Variants in ZNF446 observed in about 807,000 individuals in gnomAD.
The protein encoded by ZNF446 is zinc finger protein with KRAB and SCAN domains 20.
ZNF446 carries 42 observed loss-of-function variants against 34.0 expected under a neutral mutation model. The observed-to-expected ratio is 1.23, with a 90% CI of 0.96 to 1.60. The LOEUF (loss-of-function observed/expected upper bound fraction) is 1.60. Among genes scored for constraint, ZNF446 ranks in the 40% most tolerant of loss-of-function variants. ZNF446 has a pLI of 0.00. For synonymous variants in ZNF446, 315 were observed against 251.0 expected, an observed-to-expected ratio of 1.25 and a Z score of -2.41; for missense variants, 650 against 600.2, an observed-to-expected ratio of 1.08 and a Z score of -0.87.
intron 4 of ZNF446, among the ~76,000 whole-genome samples, chr19:58,479,047 C>A (rs946834845): frequency 6.6e-6 from 1 of 152,210 alleles, no homozygotes; most frequent in African/African-American, 2.4e-5. Context: ...CTCCCGGCTC[C>A]TCTAACAACT....
Position 58,479,945 on chromosome 19 carries a change from A to T in ZNF446, c.728A>T (p.Gln243Leu). Residue 243 changes from glutamine (Q) to leucine (L), a missense_variant, in exon 6 of 7, where the codon CAG (glutamine) becomes CTG (leucine). Transcript: ENST00000594369. Reference sequence around the variant, plus strand: ...ACCCGGGCAGGGTTACCGCCCCACCAGCCAGAGGCACAGGCCCAGTCAGAG... The same window carrying T: ...ACCCGGGCAGGGTTACCGCCCCACCTGCCAGAGGCACAGGCCCAGTCAGAG... ...TVVSLGLPPHQPEAQAQSELG... is the reference protein window; with the variant it reads ...TVVSLGLPPHLPEAQAQSELG... 1 of 1,584,020 alleles carries T rather than the reference A, an allele frequency of 6.3e-7. No homozygotes were observed. Among genetic ancestry groups the T allele is most frequent in the Non-Finnish European group, 8.6e-7 (1 of 1,167,988 alleles).
the ZNF446 span, among the ~76,000 whole-genome samples, chr19:58,489,186 C>T: frequency 6.6e-6 from 1 of 152,212 alleles, no homozygotes; most frequent in Admixed American, 6.6e-5. Flanking sequence ...CTAACATTAG[C>T]CCCAAGATTA....
chr19:58,476,694 CA>C (rs1275262866), intron 1 of ZNF446, among the ~76,000 whole-genome samples, 190 bp downstream of exon 1: 2 of 152,198 alleles, frequency 1.3e-5, no homozygotes, highest in Non-Finnish European at 2.9e-5. Flanking sequence ...GCCCCCTCCC[CA>C]GAGCCATTCC....
Position 58,480,649 on chromosome 19 carries a change from A to G in ZNF446, c.1276A>G (p.Ser426Gly). 6.2e-7 allele frequency: 1 copy of G among 1,611,688 alleles called. No homozygotes were observed. Among genetic ancestry groups the G allele is most frequent in the Admixed American group, 1.7e-5 (1 of 59,950 alleles). Reference sequence around the variant, plus strand: ...CACAGGCCAGCGGCGTCACTTCTGCAGTGACTGTGGCCGCGCCTTCGACTG... The same window carrying G: ...CACAGGCCAGCGGCGTCACTTCTGCGGTGACTGTGGCCGCGCCTTCGACTG... ...SHTGQRRHFC[S>G]DCGRAFDWKS... The change falls in exon 7 of 7, where the codon AGT becomes GGT. Residue 426 changes from serine (S) to glycine (G), a missense_variant. By Grantham distance (56) the Ser-to-Gly change is moderately conservative (BLOSUM62 0). Transcript: ENST00000594369. This position sits in a 1 kb window ranked among gnomAD's most constrained non-coding sequence, Gnocchi z 7.2.
chr19:58,477,957 G>T, intron 3 of ZNF446, 130 bp from the exon 4 acceptor site: 2 of 1,310,396 alleles, frequency 1.5e-6, no homozygotes, highest in South Asian at 1.5e-5. Flanking sequence ...TCCCTGTCTG[G>T]GATGGGGACC....
Position 58,480,057 on chromosome 19 carries a change from C to T in ZNF446, c.802+38C>T, listed in dbSNP as rs1418957538. On this transcript the variant is annotated intron_variant, in intron 6 of 6. Transcript: ENST00000594369. The surrounding 1 kb of genome is among the most constrained non-coding windows in gnomAD (Gnocchi z 7.2). ...CACCATCCAGCCTGAATCACCCCTC[C>T]TGTATCGGTGGGACCTGAGCCACCC... The T allele has an allele frequency of 6.4e-7, 1 of 1,565,592 alleles. No homozygotes were observed. Among genetic ancestry groups the T allele is most frequent in the Admixed American group, 1.8e-5 (1 of 54,182 alleles).
chr19:58,481,975 T>C (rs2053143598), downstream of ZNF446, among the ~76,000 whole-genome samples: 1 of 152,058 alleles, frequency 6.6e-6, no homozygotes, highest in Non-Finnish European at 1.5e-5. Flanking sequence ...TTTGCATTTT[T>C]AGTAGAGACG....
intron 4 of ZNF446, among the ~76,000 whole-genome samples, chr19:58,478,885 C>G (rs549762226): frequency 2.6e-4 from 39 of 152,136 alleles, no homozygotes; most frequent in African/African-American, 9.2e-4. Context: ...ACACCTGAGA[C>G]CAGATGGAGA....
downstream of ZNF446, among the ~76,000 whole-genome samples, chr19:58,484,458 T>C (rs1600016080): frequency 2.4e-5 from 3 of 127,326 alleles, no homozygotes; most frequent in African/African-American, 6.1e-5. Flanking sequence ...AGGGCGAGAC[T>C]CCATCTCAAA....
chr19:58,478,581 T>G (rs2053109804), intron 4 of ZNF446, among the ~76,000 whole-genome samples: 1 of 151,910 alleles, frequency 6.6e-6, no homozygotes, highest in Non-Finnish European at 1.5e-5. Flanking sequence ...GGACAATTGC[T>G]TGAACCCAGG....
At chr19:58,488,075 C>T in the ZNF446 span, among the ~76,000 whole-genome samples, 15 of 137,106 alleles carry the variant, frequency 1.1e-4, no homozygotes, top group Admixed American at 1.5e-4. Flanking sequence ...ACCACACACC[C>T]TGTTCATGGC....
chr19:58,477,923 G>A, intron 3 of ZNF446, 97 bp downstream of exon 3: 1 of 1,374,210 alleles, frequency 7.3e-7, no homozygotes, highest in Non-Finnish European at 9.7e-7. Flanking sequence ...GTCAAGGCTG[G>A]GACTCCTGAA....
At chr19:58,484,058 T>C (rs2053156409), downstream of ZNF446, among the ~76,000 whole-genome samples, 1 of 152,062 alleles carries the variant, frequency 6.6e-6, no homozygotes, top group Non-Finnish European at 1.5e-5. Context: ...GAACATGAGA[T>C]TTATTTTTGC....
chr19:58,481,411 T>C (rs981387087), downstream of ZNF446, among the ~76,000 whole-genome samples: 2 of 152,056 alleles, frequency 1.3e-5, no homozygotes, highest in African/African-American at 4.8e-5. Context: ...CCCACATCAC[T>C]CACCAGCCTC....
the ZNF446 span, among the ~76,000 whole-genome samples, chr19:58,488,858 A>AAC: frequency 3.3e-5 from 5 of 151,280 alleles, no homozygotes; most frequent in Admixed American, 6.6e-5. Context: ...CAAAAAAAAA[A>AAC]AAAAAACAAA....
the ZNF446 span, among the ~76,000 whole-genome samples, chr19:58,487,341 TAGTCTCG>T: frequency 6.6e-6 from 1 of 152,188 alleles, no homozygotes; most frequent in Non-Finnish European, 1.5e-5. Flanking sequence ...CCGGAACTCC[TAGTCTCG>T]AGCAATCTGT....
chr19:58,480,276 C>A lies in ZNF446; in HGVS notation c.903C>A (p.Ala301=). ...GCTTGTCTGGGGCTGCCACTCCTGCCCCCACTGTGCGCCCAGGGACACCGC... is the reference window on the plus strand; with the variant it reads ...GCTTGTCTGGGGCTGCCACTCCTGCACCCACTGTGCGCCCAGGGACACCGC... ...WEGLSGAATP[A]PTVRPGTPPV... The change falls in exon 7 of 7, where the codon GCC becomes GCA. Residue 301 remains alanine, a synonymous_variant. Transcript: ENST00000594369. This position sits in a 1 kb window ranked among gnomAD's most constrained non-coding sequence, Gnocchi z 7.2. The A allele has an allele frequency of 6.3e-7, 1 of 1,578,358 alleles. No individual in the cohort carries two copies. The highest frequency in any genetic ancestry group is 8.6e-7 in the Non-Finnish European group (1 of 1,164,540).
chr19:58,477,437 G>A lies in ZNF446; in HGVS notation c.219G>A (p.Gln73=), dbSNP rs2053097816. 6.2e-7 allele frequency: 1 copy of A among 1,613,596 alleles called. No homozygotes were observed. Among genetic ancestry groups the A allele is most frequent in the Non-Finnish European group, 8.5e-7 (1 of 1,180,028 alleles). Residue 73 remains glutamine (Q), a synonymous_variant, in exon 2 of 7, where the codon CAG becomes CAA. Coordinates refer to ENST00000594369, the MANE Select transcript of ZNF446 (RefSeq NM_017908.4). Reference sequence around the variant, plus strand: ...TGCTGGAGATGCTGGTGCTGGAGCAGTTCCTGGGCACACTGCCTCCCGAGA... The same window carrying A: ...TGCTGGAGATGCTGGTGCTGGAGCAATTCCTGGGCACACTGCCTCCCGAGA... ...EQMLEMLVLE[Q]FLGTLPPEIQ... is the part of the protein sequence containing the mutation.
chr19:58,479,300 G>C (rs1321770458), intron 4 of ZNF446, among the ~76,000 whole-genome samples: 3 of 152,142 alleles, frequency 2.0e-5, no homozygotes. Flanking sequence ...TCCCAACCCA[G>C]CAAAGCCCCA....
Sources: allele counts gnomAD v4.1 joint callset (sites outside exome capture counted in the v4.1 genomes callset), GRCh38; gene constraint gnomAD v4.1.1; non-coding constraint Gnocchi (gnomAD v3.1); transcripts MANE v1.5; gene names NCBI Gene and HGNC (gene_info 2026-07-23, HGNC 2026-07-21).